MIS18BP1: variants seen among roughly 807,000 people sequenced by gnomAD.
The protein encoded by MIS18BP1 is mis18-binding protein 1.
A neutral mutation model predicts 116.1 loss-of-function variants in MIS18BP1; 72 were observed. The observed-to-expected ratio is 0.62, with a 90% confidence interval of 0.51 to 0.75. MIS18BP1 has a LOEUF of 0.75. MIS18BP1 is among the 30% of genes least tolerant of loss of function. The probability of loss-of-function intolerance (pLI) is 0.00; values close to 1 mark genes in which losing one functional copy is unlikely to be tolerated. For synonymous variants in MIS18BP1, 386 were observed against 427.0 expected (o/e 0.90, Z 1.18); for missense variants, 1,363 against 1,303.2 (o/e 1.05, Z -0.71).
At chr14:45,252,017 A>G (rs922672012) in intron 1 of MIS18BP1, among the ~76,000 whole-genome samples, 2 of 152,254 alleles carry the variant, frequency 1.3e-5, no homozygotes, top group Non-Finnish European at 2.9e-5. Context: ...ATAATCTAAC[A>G]GCAACTCTAA....
At chr14:45,220,709 C>A (rs995293616) in intron 11 of MIS18BP1, among the ~76,000 whole-genome samples, 2 of 152,140 alleles carry the variant, frequency 1.3e-5, no homozygotes, top group African/African-American at 4.8e-5. Context: ...AAAGAATGCA[C>A]CCTAATTTGT....
chr14:45,207,986 T>G (rs1250944884), intron 14 of MIS18BP1, among the ~76,000 whole-genome samples: 1 of 152,128 alleles, frequency 6.6e-6, no homozygotes, highest in Non-Finnish European at 1.5e-5. Flanking sequence ...CAACCCACAC[T>G]GGTGTCATTC....
In MIS18BP1 at chr14:45,227,700, G is replaced by A; in HGVS notation, c.1709C>T (p.Thr570Ile). 1 of 1,613,604 alleles carries A rather than the reference G, an allele frequency of 6.2e-7. No homozygotes were observed. The highest frequency in any genetic ancestry group is 1.1e-5 in the South Asian group (1 of 91,068). ...GTCATCTCCTCCTCCATTTTGAATA[G>A]TATTATTTACTTGGTCATCTGGGAA... ...LRFPDDQVNN[T>I]IQNGGGDDLS... The change falls in exon 9 of 17, where the codon ACT becomes ATT. Residue 570 changes from threonine (T) to isoleucine (I), a missense_variant. By Grantham distance (89) the Thr-to-Ile change is moderately conservative. Coordinates refer to ENST00000310806, the MANE Select transcript of MIS18BP1 (RefSeq NM_018353.5).
chr14:45,240,821 G>C (rs1285460516), intron 4 of MIS18BP1, among the ~76,000 whole-genome samples: 1 of 152,136 alleles, frequency 6.6e-6, no homozygotes, highest in East Asian at 1.9e-4. Context: ...AGATTTGCAT[G>C]AACCTGGAAG....
intron 7 of MIS18BP1, among the ~76,000 whole-genome samples, chr14:45,231,755 A>G (rs1001983292): frequency 6.6e-6 from 1 of 152,128 alleles, no homozygotes; most frequent in African/African-American, 2.4e-5. Flanking sequence ...CCCTTTACAG[A>G]AAAAAACTGC....
intron 8 of MIS18BP1, among the ~76,000 whole-genome samples, chr14:45,228,693 T>C (rs951382967): frequency 2.0e-5 from 3 of 152,234 alleles, no homozygotes; most frequent in African/African-American, 7.2e-5. Context: ...TCTTTAAAGA[T>C]GTACTGACTA....
chr14:45,204,006 C>A lies in MIS18BP1; in HGVS notation c.*103G>T. The stretch of plus-strand genomic sequence containing the variant: ...AAACCTTCAAAAAAGTCCACATTTT[C>A]ATAGGAAGCTACTTTACAAAGAAAA... On this transcript the variant is annotated 3_prime_UTR_variant, in exon 17 of 17. Coordinates refer to ENST00000310806, the MANE Select transcript of MIS18BP1 (RefSeq NM_018353.5). 1 of 1,460,446 alleles carries A rather than the reference C, an allele frequency of 6.8e-7. No individual in the cohort carries two copies. The highest frequency in any genetic ancestry group is 9.1e-7 in the Non-Finnish European group (1 of 1,102,820). The allele number at this position is 1,460,446 out of a possible 1,614,324, so 90.5% of individuals were successfully genotyped here.
intron 14 of MIS18BP1, 173 bp downstream of exon 14, chr14:45,210,207 T>C (rs1256377870): frequency 3.4e-5 from 21 of 609,506 alleles, no homozygotes; most frequent in Non-Finnish European, 5.2e-5. Flanking sequence ...GTTTATTGAA[T>C]AGCACCCCGA....
chr14:45,215,635 T>A (rs1215144899), intron 13 of MIS18BP1, among the ~76,000 whole-genome samples: 1 of 151,888 alleles, frequency 6.6e-6, no homozygotes, highest in African/African-American at 2.4e-5. Flanking sequence ...ATGGTCTCGA[T>A]CTCCTGACCT....
intron 2 of MIS18BP1, among the ~76,000 whole-genome samples, chr14:45,246,225 C>G (rs575197793): frequency 8.1e-4 from 124 of 152,310 alleles, no homozygotes; most frequent in African/African-American, 2.9e-3. Context: ...AAAACTCTTA[C>G]ATTTACCTAC....
At chr14:45,247,849 G>C (rs1203422135) in intron 1 of MIS18BP1, among the ~76,000 whole-genome samples, 1 of 151,856 alleles carries the variant, frequency 6.6e-6, no homozygotes, top group Non-Finnish European at 1.5e-5. Flanking sequence ...TCTAATAAAA[G>C]CTAAAAAAAT....
At chr14:45,248,251 G>C (rs1292201718) in intron 1 of MIS18BP1, among the ~76,000 whole-genome samples, 1 of 151,812 alleles carries the variant, frequency 6.6e-6, no homozygotes, top group Non-Finnish European at 1.5e-5. Context: ...ATTTTTGCTA[G>C]AGACAGGGTT....
intron 1 of MIS18BP1, among the ~76,000 whole-genome samples, chr14:45,249,495 T>C (rs117268128): frequency 0.014 from 2,180 of 152,310 alleles, 29 homozygotes; most frequent in Non-Finnish European, 0.023. Context: ...GTGTTGGGAA[T>C]ACAGGAGTGA....
rs767879421 is a variant in MIS18BP1 at position 45,224,215 on chromosome 14, G to T, written c.2372C>A (p.Thr791Asn). The T allele has an allele frequency of 1.9e-6, 3 of 1,613,832 alleles. No individual in the cohort carries two copies. The South Asian group carries it at 3.3e-5, about 18-fold the overall frequency. Residue 791 changes from threonine to asparagine, a missense_variant, in exon 11 of 17, where the codon ACC becomes AAC. Physicochemically the swap from Thr to Asn is moderately conservative, Grantham distance 65. Transcript: ENST00000310806. ...EIKRKAEVKK[T>N]KAGNTKEAVV... is the part of the protein sequence containing the mutation. ...TGCTTCTTTGGTGTTTCCTGCTTTG[G>T]TTTTCTTAACTTCAGCTTTCCTTTT...
chr14:45,242,235 C>CGAAGTCCCTTCTGTTGT lies in MIS18BP1; in HGVS notation c.925_941dup (p.Val318GlyfsTer25). 3 of 1,614,026 alleles carry CGAAGTCCCTTCTGTTGT rather than the reference C, an allele frequency of 1.9e-6. No individual in the cohort carries two copies. Among genetic ancestry groups the CGAAGTCCCTTCTGTTGT allele is most frequent in the Non-Finnish European group, 2.5e-6 (3 of 1,179,982 alleles). ...CATTTCCTTCCTTAACTTTCTGTTGCGAAGTCCCTTCTGTTGTCCTCTCAC... is the reference window on the plus strand; with the variant it reads ...CATTTCCTTCCTTAACTTTCTGTTGCGAAGTCCCTTCTGTTGTGAAGTCCCTTCTGTTGTCCTCTCAC... On this transcript the variant is annotated frameshift_variant, in exon 4 of 17. Coordinates refer to ENST00000310806, the MANE Select transcript of MIS18BP1 (RefSeq NM_018353.5). LOFTEE classifies it high-confidence loss of function.
chr14:45,250,337 T>C (rs1224090408), intron 1 of MIS18BP1, among the ~76,000 whole-genome samples: 2 of 152,088 alleles, frequency 1.3e-5, no homozygotes, highest in Non-Finnish European at 2.9e-5. Context: ...GCAGAATAGA[T>C]AAACAAGAAA....
At chr14:45,251,530 A>G (rs938890073) in intron 1 of MIS18BP1, among the ~76,000 whole-genome samples, 1 of 152,242 alleles carries the variant, frequency 6.6e-6, no homozygotes. Context: ...AATAACTATT[A>G]CTATGGAATG....
chr14:45,236,059 A>G (rs1013336474), intron 5 of MIS18BP1, 115 bp from the exon 6 acceptor site: 24 of 951,704 alleles, frequency 2.5e-5, no homozygotes, highest in Non-Finnish European at 3.4e-5. Context: ...GTCTAATTAC[A>G]AAATATTTGA....
Position 45,242,934 on chromosome 14 carries a change from A to C in MIS18BP1, c.545-60T>G, listed in dbSNP as rs971580578. On this transcript the variant is annotated intron_variant, in intron 2 of 16. Coordinates refer to ENST00000310806, the MANE Select transcript of MIS18BP1 (RefSeq NM_018353.5). The stretch of plus-strand genomic sequence containing the variant: ...AATTGTATTAGTCACTAAGAAAAAA[A>C]CAGCTTTTAAAATTCTTGAAATAAA... 13 of 1,137,978 alleles carry C rather than the reference A, an allele frequency of 1.1e-5. No homozygotes were observed. The Admixed American group carries it at 2.3e-4, about 20-fold the overall frequency. 70.5% of individuals were successfully genotyped at this position (1,137,978 alleles called of 1,614,324 possible).
Sources: allele counts gnomAD v4.1 joint callset (sites outside exome capture counted in the v4.1 genomes callset), GRCh38; gene constraint gnomAD v4.1.1; transcripts MANE v1.5; gene names NCBI Gene and HGNC (gene_info 2026-07-23, HGNC 2026-07-21).